The following ITIH5 variants were observed in gnomAD, a reference collection of about 807,000 sequenced individuals.
The protein encoded by ITIH5 is inter-alpha-trypsin inhibitor heavy chain H5.
A neutral mutation model predicts 77.5 loss-of-function variants in ITIH5; 65 were observed. That is an observed-to-expected ratio of 0.84 (90% CI 0.69 to 1.03). The LOEUF (loss-of-function observed/expected upper bound fraction) is 1.03, where lower values mean the gene tolerates loss of function less well. Among genes scored for constraint, ITIH5 ranks in the 50% least tolerant of loss-of-function variants. The probability of loss-of-function intolerance (pLI) is 0.00; values close to 1 mark genes in which losing one functional copy is unlikely to be tolerated. For synonymous variants in ITIH5, 525 were observed against 494.3 expected, an observed-to-expected ratio of 1.06 and a Z score of -0.82; for missense variants, 1,208 against 1,213.1, an observed-to-expected ratio of 1.00 and a Z score of 0.06.
chr10:7,645,280 G>C (rs1430193182), intron 2 of ITIH5, among the ~76,000 whole-genome samples: 1 of 152,088 alleles, frequency 6.6e-6, no homozygotes, highest in Non-Finnish European at 1.5e-5. Context: ...TGTTGAAAGA[G>C]TTTTGCCTAA....
At chr10:7,572,142 T>C in intron 11 of ITIH5, 1 of 1,106,474 alleles carries the variant, frequency 9.0e-7, no homozygotes, top group Non-Finnish European at 1.1e-6. Flanking sequence ...GGAATTACAT[T>C]CTGTCTCCCG....
chr10:7,564,447 AT>A (rs2130934470), intron 13 of ITIH5, among the ~76,000 whole-genome samples: 1 of 152,250 alleles, frequency 6.6e-6, no homozygotes, highest in East Asian at 1.9e-4. Flanking sequence ...ATAATAGCAT[AT>A]TTTTAGTGTA....
intron 2 of ITIH5, 77 bp downstream of exon 2, chr10:7,655,554 G>C (rs911872479): frequency 8.3e-7 from 1 of 1,209,692 alleles, no homozygotes; most frequent in Non-Finnish European, 1.2e-6. Flanking sequence ...GGATCTGCAA[G>C]CAAAGTGGAT....
intron 2 of ITIH5, among the ~76,000 whole-genome samples, chr10:7,645,020 T>A (rs536052535): frequency 6.7e-6 from 1 of 148,684 alleles, no homozygotes; most frequent in South Asian, 2.1e-4. Flanking sequence ...GGAGCTGCAA[T>A]GGTTGGAGCC....
At chr10:7,588,374 G>A (rs1490642216) in intron 7 of ITIH5, among the ~76,000 whole-genome samples, 1 of 152,176 alleles carries the variant, frequency 6.6e-6, no homozygotes, top group Non-Finnish European at 1.5e-5. Flanking sequence ...CAAAAAATTA[G>A]CTGGGCGTGG....
chr10:7,581,870 A>ATTTT (rs34386089), intron 8 of ITIH5, among the ~76,000 whole-genome samples: 21 of 81,412 alleles, frequency 2.6e-4, no homozygotes, highest in Non-Finnish European at 3.4e-4. Flanking sequence ...CCACCCATGT[A>ATTTT]TTTTTTTTTT....
At position 7,559,529 on chromosome 10, in the gene ITIH5, T is replaced by G; in HGVS notation, c.*3554A>C. On this transcript the variant is annotated 3_prime_UTR_variant, in exon 14 of 14. Coordinates refer to ENST00000397146, the MANE Select transcript of ITIH5 (RefSeq NM_030569.7). ...ATTTTAGCTGGATCATGTCCTACAGTTCCAAGAGTCCTTTAAATTTTAATA... is the reference window on the plus strand; with the variant it reads ...ATTTTAGCTGGATCATGTCCTACAGGTCCAAGAGTCCTTTAAATTTTAATA... 1 of 196,994 alleles carries G rather than the reference T, an allele frequency of 5.1e-6. No homozygotes were observed. Among genetic ancestry groups the G allele is most frequent in the Non-Finnish European group, 1.0e-5 (1 of 96,754 alleles). 12.2% of individuals were successfully genotyped at this position (196,994 alleles called of 1,614,324 possible). A position where few individuals can be genotyped will look rare whatever the true frequency, so the allele number is the denominator to read the frequency against.
chr10:7,586,490 T>G (rs1832682841), intron 7 of ITIH5, among the ~76,000 whole-genome samples: 2 of 152,142 alleles, frequency 1.3e-5, no homozygotes, highest in Non-Finnish European at 2.9e-5. Context: ...TTCCCTCCCT[T>G]AGGCTGGCAA....
At chr10:7,663,131 T>G (rs1834305682) in intron 1 of ITIH5, among the ~76,000 whole-genome samples, 2 of 152,360 alleles carry the variant, frequency 1.3e-5, no homozygotes, top group South Asian at 2.1e-4. Flanking sequence ...GCTTGCTGTT[T>G]GAAGGATTTG....
At chr10:7,594,832 G>T (rs1832862946) in intron 7 of ITIH5, among the ~76,000 whole-genome samples, 1 of 152,182 alleles carries the variant, frequency 6.6e-6, no homozygotes, top group Non-Finnish European at 1.5e-5. Flanking sequence ...ATCAGGAAGA[G>T]GCAGGAACAC....
At chr10:7,585,579 C>CATTTACAAAAACA (rs1564245186) in intron 8 of ITIH5, among the ~76,000 whole-genome samples, 2 of 152,138 alleles carry the variant, frequency 1.3e-5, no homozygotes, top group East Asian at 3.8e-4. Context: ...ACCCCAAAAC[C>CATTTACAAAAACA]GTTTACAAAA....
In ITIH5 at chr10:7,582,021, A is replaced by G. The variant is rs1039997342; in HGVS notation, c.1109-1957T>C. Among the ~76,000 whole-genome samples, 8 of 151,138 alleles carry G rather than the reference A, an allele frequency of 5.3e-5. No individual in the cohort carries two copies. The South Asian group carries it at 6.3e-4, about 12-fold the overall frequency. On this transcript the variant is annotated intron_variant, in intron 8 of 13. Coordinates refer to ENST00000397146, the MANE Select transcript of ITIH5 (RefSeq NM_030569.7). ...CTCCCGAGTAGCTGGGATTACAGGC[A>G]CACGCCACCATGCCTGGCTAATTTT...
chr10:7,624,235 C>T (rs1833520174), intron 5 of ITIH5, among the ~76,000 whole-genome samples: 1 of 152,166 alleles, frequency 6.6e-6, no homozygotes, highest in Admixed American at 6.5e-5. Flanking sequence ...AGGCCAGGCA[C>T]AGTGGCTCAT....
At chr10:7,633,916 C>G (rs1833753356) in intron 5 of ITIH5, among the ~76,000 whole-genome samples, 1 of 151,698 alleles carries the variant, frequency 6.6e-6, no homozygotes, top group African/African-American at 2.4e-5. Flanking sequence ...AGTGAAACCT[C>G]GTCTCTACTA....
At position 7,576,678 on chromosome 10, in the gene ITIH5, G is replaced by C. The variant is rs918514414; in HGVS notation, c.1753C>G (p.Leu585Val). The change falls in exon 10 of 14, where the codon CTG becomes GTG. Residue 585 changes from leucine (L) to valine (V), a missense_variant. Transcript: ENST00000397146. ...TCACTTTGCAGCCAGGAGCTCAGCA[G>C]CTCCTTTGTGGTGAGGTAGCTCCAG... Reference protein sequence around the residue: ...RLWSYLTTKELLSSWLQSDDE... With the variant: ...RLWSYLTTKEVLSSWLQSDDE... The C allele has an allele frequency of 1.2e-6, 2 of 1,614,194 alleles. No homozygotes were observed. Among genetic ancestry groups the C allele is most frequent in the African/African-American group, 2.7e-5 (2 of 75,054 alleles).
chr10:7,603,860 G>A (rs953605587), intron 7 of ITIH5, among the ~76,000 whole-genome samples: 7 of 152,190 alleles, frequency 4.6e-5, no homozygotes, highest in African/African-American at 1.4e-4. Context: ...TGGGATTACA[G>A]GCATGAGCCA....
intron 7 of ITIH5, among the ~76,000 whole-genome samples, chr10:7,588,909 A>G (rs1832736567): frequency 6.6e-6 from 1 of 152,244 alleles, no homozygotes; most frequent in Non-Finnish European, 1.5e-5. Context: ...GCTAAGCATC[A>G]TGCTCCATGG....
At chr10:7,593,718 CAG>C (rs1832841650) in intron 7 of ITIH5, among the ~76,000 whole-genome samples, 1 of 73,586 alleles carries the variant, frequency 1.4e-5, no homozygotes. Flanking sequence ...TGCAGCCACC[CAG>C]CCCCACTCAC....
chr10:7,578,763 C>T (rs1170366314), intron 9 of ITIH5: 2 of 152,192 alleles, frequency 1.3e-5, no homozygotes, highest in Non-Finnish European at 2.9e-5. Context: ...AAGCACCTCA[C>T]GCTGAACTGG....
Sources: gnomAD v4.1 joint callset for allele counts (sites outside exome capture counted in the v4.1 genomes callset) on GRCh38, gnomAD v4.1.1 for gene constraint, MANE v1.5 for transcripts, NCBI Gene and HGNC (gene_info 2026-07-23, HGNC 2026-07-21) for gene names.